DSCAML1: variants seen among roughly 807,000 people sequenced by gnomAD.
DSCAML1 encodes the protein cell adhesion molecule DSCAML1.
A neutral mutation model predicts 200.5 loss-of-function variants in DSCAML1; 38 were observed. The observed-to-expected ratio is 0.19, with a 90% confidence interval of 0.15 to 0.25. The LOEUF is 0.25. Among genes scored for constraint, DSCAML1 ranks in the 10% least tolerant of loss-of-function variants. The pLI is 1.00. For missense variants in DSCAML1, 2,223 were observed against 2,858.8 expected, an observed-to-expected ratio of 0.78 and a Z score of 5.07; for synonymous variants, 1,215 against 1,165.0, an observed-to-expected ratio of 1.04 and a Z score of -0.87.
intron 3 of DSCAML1, among the ~76,000 whole-genome samples, chr11:117,583,115 T>C (rs756130592): frequency 2.0e-5 from 3 of 151,958 alleles, no homozygotes; most frequent in Non-Finnish European, 4.4e-5. Context: ...GGTGGTTATC[T>C]AGTTCAAGAA....
rs187676243 is a variant in DSCAML1 at position 117,598,114 on chromosome 11, C to T, written c.512-65592G>A. Among the ~76,000 whole-genome samples the T allele has an allele frequency of 2.0e-5, 3 of 152,292 alleles. No homozygotes were observed. The East Asian group carries it at 5.8e-4, about 29-fold the overall frequency. On this transcript the variant is annotated intron_variant, in intron 3 of 32. Transcript: ENST00000651296. ...TCACAGCTTACAAAAGAAAGCAGAA[C>T]ATGAAACCTTCAAACATTCTCTCCA...
intron 18 of DSCAML1, among the ~76,000 whole-genome samples, chr11:117,459,434 C>T (rs531557921): frequency 3.3e-4 from 50 of 152,356 alleles, no homozygotes; most frequent in African/African-American, 1.2e-3. Context: ...CTGACCACTC[C>T]TGGGCCAGTG....
At chr11:117,692,087 G>T (rs1169808840) in intron 3 of DSCAML1, among the ~76,000 whole-genome samples, 4 of 152,116 alleles carry the variant, frequency 2.6e-5, no homozygotes, top group African/African-American at 7.2e-5. Context: ...CCTAGCGGGG[G>T]TGTGAAGTCT....
At chr11:117,714,524 A>C (rs2053911939) in intron 3 of DSCAML1, among the ~76,000 whole-genome samples, 1 of 152,072 alleles carries the variant, frequency 6.6e-6, no homozygotes, top group Admixed American at 6.6e-5. Flanking sequence ...AAGAACAAGA[A>C]AGTTTCCGCT....
At chr11:117,496,418 C>T (rs761723608) in intron 11 of DSCAML1, among the ~76,000 whole-genome samples, 5 of 152,208 alleles carry the variant, frequency 3.3e-5, no homozygotes, top group Non-Finnish European at 5.9e-5. Context: ...CTGGGCTGCC[C>T]ACTTAGGGCA....
intron 3 of DSCAML1, among the ~76,000 whole-genome samples, chr11:117,535,428 G>A (rs1347057964): frequency 6.6e-6 from 1 of 152,090 alleles, no homozygotes; most frequent in Admixed American, 6.5e-5. Flanking sequence ...TGGACACCCC[G>A]CTCTGCCCGG....
intron 3 of DSCAML1, among the ~76,000 whole-genome samples, chr11:117,752,265 G>C (rs1408623131): frequency 6.6e-6 from 1 of 152,252 alleles, no homozygotes; most frequent in Non-Finnish European, 1.5e-5. Flanking sequence ...GCTGAACAAG[G>C]AGGGGAGAGC....
intron 3 of DSCAML1, among the ~76,000 whole-genome samples, chr11:117,672,026 G>A (rs922508858): frequency 1.9e-4 from 28 of 149,928 alleles, no homozygotes; most frequent in African/African-American, 3.7e-4. Context: ...GCGTGAACCC[G>A]GGAGGCGGAG....
intron 20 of DSCAML1, among the ~76,000 whole-genome samples, chr11:117,447,156 T>C (rs1051634380): frequency 6.6e-6 from 1 of 152,114 alleles, no homozygotes; most frequent in Non-Finnish European, 1.5e-5. Flanking sequence ...GGCGTGGTGA[T>C]GTGTGCCTGT....
At chr11:117,554,835 T>C (rs1048882946) in intron 3 of DSCAML1, among the ~76,000 whole-genome samples, 3 of 152,202 alleles carry the variant, frequency 2.0e-5, no homozygotes, top group African/African-American at 7.2e-5. Context: ...CCCAGACTCC[T>C]TGTTAGACAA....
chr11:117,642,938 C>A lies in DSCAML1; in HGVS notation c.512-110416G>T, dbSNP rs2137598630. Among the ~76,000 whole-genome samples the A allele has an allele frequency of 6.6e-6, 1 of 152,314 alleles. No homozygotes were observed. Among genetic ancestry groups the A allele is most frequent in the South Asian group, 2.1e-4 (1 of 4,824 alleles). On this transcript the variant is annotated intron_variant, in intron 3 of 32. Transcript: ENST00000651296. This position sits in a 1 kb window ranked among gnomAD's most constrained non-coding sequence, Gnocchi z 4.1. ...GAAGAGACGCCAGGACAGTTTTCCC[C>A]AACCTTCCTCACCAGAAACGCAAAA... is the stretch of plus-strand genomic sequence containing the variant.
At chr11:117,567,949 A>G (rs2137430225) in intron 3 of DSCAML1, among the ~76,000 whole-genome samples, 1 of 152,302 alleles carries the variant, frequency 6.6e-6, no homozygotes, top group South Asian at 2.1e-4. Flanking sequence ...AATAGCCTTG[A>G]TGAACATTGA....
chr11:117,740,763 T>C (rs2054407167), intron 3 of DSCAML1, among the ~76,000 whole-genome samples: 1 of 152,222 alleles, frequency 6.6e-6, no homozygotes, highest in Non-Finnish European at 1.5e-5. Context: ...AGGTTACATA[T>C]TTATTGTTCA....
intron 3 of DSCAML1, among the ~76,000 whole-genome samples, chr11:117,551,028 G>A (rs2050458552): frequency 6.6e-6 from 1 of 152,162 alleles, no homozygotes; most frequent in African/African-American, 2.4e-5. Context: ...TGGGCTGGGG[G>A]CAGGGGTCAG....
intron 11 of DSCAML1, among the ~76,000 whole-genome samples, chr11:117,486,248 GCGGA>G (rs2049050014): frequency 8.6e-6 from 1 of 116,828 alleles, no homozygotes; most frequent in African/African-American, 3.2e-5. Context: ...TGGGAAAGTG[GCGGA>G]TGGGAAAGTG....
At chr11:117,646,325 G>GCT (rs35312034) in intron 3 of DSCAML1, among the ~76,000 whole-genome samples, 6,560 of 152,094 alleles carry the variant, frequency 0.043, 232 homozygotes, top group African/African-American at 0.097. Flanking sequence ...TTTCTGTCAA[G>GCT]CTCTCGAGAT....
At chr11:117,790,351 A>G (rs2055437956) in intron 1 of DSCAML1, among the ~76,000 whole-genome samples, 1 of 152,216 alleles carries the variant, frequency 6.6e-6, no homozygotes, top group Non-Finnish European at 1.5e-5. Context: ...TCCCACTCCC[A>G]CTACCACTGG....
At chr11:117,718,678 C>A (rs535686582) in intron 3 of DSCAML1, among the ~76,000 whole-genome samples, 6,464 of 96,974 alleles carry the variant, frequency 0.067, 1,279 homozygotes, top group African/African-American at 0.15. Flanking sequence ...ACCCCCCCCC[C>A]CCCCCATCAT....
At chr11:117,452,374 T>G (rs2048299650) in intron 19 of DSCAML1, among the ~76,000 whole-genome samples, 1 of 152,238 alleles carries the variant, frequency 6.6e-6, no homozygotes, top group African/African-American at 2.4e-5. Flanking sequence ...TTCCTCTTTA[T>G]CTCTACAAAT....
Sources: allele counts gnomAD v4.1 joint callset (sites outside exome capture counted in the v4.1 genomes callset), GRCh38; gene constraint gnomAD v4.1.1; non-coding constraint Gnocchi (gnomAD v3.1); transcripts MANE v1.5; gene names NCBI Gene and HGNC (gene_info 2026-07-23, HGNC 2026-07-21).